TENM3: variants seen among roughly 807,000 people sequenced by gnomAD.
The protein encoded by TENM3 is teneurin transmembrane protein 3.
Under a neutral mutation model 255.1 loss-of-function variants are expected in TENM3, and 63 were observed. That is an observed-to-expected ratio of 0.25 (90% CI 0.20 to 0.30). The LOEUF is 0.30. Among genes scored for constraint, TENM3 ranks in the 10% least tolerant of loss-of-function variants. The probability of loss-of-function intolerance (pLI) is 1.00; values close to 1 mark genes in which losing one functional copy is unlikely to be tolerated. For missense variants in TENM3, 2,929 were observed against 3,461.1 expected, an observed-to-expected ratio of 0.85 and a Z score of 3.86; for synonymous variants, 1,306 against 1,322.3, an observed-to-expected ratio of 0.99 and a Z score of 0.27.
At chr4:182,055,616 G>T in the TENM3 span, among the ~76,000 whole-genome samples, 1 of 152,092 alleles carries the variant, frequency 6.6e-6, no homozygotes, top group South Asian at 2.1e-4. Flanking sequence ...ACTTGCTGTA[G>T]CGCTAATTTC....
the TENM3 span, among the ~76,000 whole-genome samples, chr4:181,799,138 C>T: frequency 0.69 from 105,028 of 152,156 alleles, 37,522 homozygotes; most frequent in South Asian, 0.81. Flanking sequence ...GACATAACTG[C>T]ATTACTGATT....
intron 3 of TENM3, among the ~76,000 whole-genome samples, chr4:182,395,685 A>G (rs895370220): frequency 2.6e-4 from 39 of 152,226 alleles, no homozygotes; most frequent in African/African-American, 8.9e-4. Flanking sequence ...TAAAAATAAA[A>G]TGTTTTATTT....
chr4:182,204,199 T>G (rs1754396252), intron 1 of TENM3, among the ~76,000 whole-genome samples: 1 of 152,194 alleles, frequency 6.6e-6, no homozygotes, highest in African/African-American at 2.4e-5. Context: ...TTTTGCTGGA[T>G]GTAGTGTGTG....
the TENM3 span, among the ~76,000 whole-genome samples, chr4:181,979,548 A>G: frequency 2.0e-5 from 3 of 152,178 alleles, no homozygotes; most frequent in Non-Finnish European, 4.4e-5. Flanking sequence ...CCAGCTACCC[A>G]GGTCTCTTGT....
chr4:182,502,841 A>G (rs1736447586), intron 3 of TENM3, among the ~76,000 whole-genome samples: 1 of 144,320 alleles, frequency 6.9e-6, no homozygotes. Context: ...GTTAATTTGT[A>G]GCTCTGTGGG....
At chr4:182,600,824 A>C in intron 3 of TENM3, 100 bp from the exon 4 acceptor site, 2 of 534,824 alleles carry the variant, frequency 3.7e-6, no homozygotes, top group Non-Finnish European at 6.2e-6. Context: ...TTTAATTCTA[A>C]TTCATCTGCA....
chr4:182,277,265 C>A (rs1034298244), intron 1 of TENM3, among the ~76,000 whole-genome samples: 2 of 151,906 alleles, frequency 1.3e-5, no homozygotes, highest in African/African-American at 4.8e-5. Context: ...TTAACCAAAT[C>A]CACAGATTTT....
At chr4:182,755,933 G>A (rs1282267940) in intron 22 of TENM3, among the ~76,000 whole-genome samples, 4 of 152,198 alleles carry the variant, frequency 2.6e-5, no homozygotes, top group African/African-American at 9.6e-5. Context: ...TCGTGTAAGG[G>A]AGAAGCCCAA....
chr4:181,851,316 AC>A, the TENM3 span, among the ~76,000 whole-genome samples: 1 of 152,124 alleles, frequency 6.6e-6, no homozygotes, highest in African/African-American at 2.4e-5. Context: ...AACCCATACA[AC>A]ATAGTCGATT....
At chr4:182,082,150 A>C in the TENM3 span, among the ~76,000 whole-genome samples, 1 of 152,184 alleles carries the variant, frequency 6.6e-6, no homozygotes, top group South Asian at 2.1e-4. Flanking sequence ...CATCTCTCAT[A>C]GTTGTGGAGG....
chr4:182,325,503 G>A (rs768986443), intron 2 of TENM3, among the ~76,000 whole-genome samples: 2 of 152,112 alleles, frequency 1.3e-5, no homozygotes, highest in Non-Finnish European at 2.9e-5. Context: ...TTTTTAATCC[G>A]TTTTTCAGGG....
chr4:182,402,690 A>G (rs562792026), intron 3 of TENM3, among the ~76,000 whole-genome samples: 1 of 152,294 alleles, frequency 6.6e-6, no homozygotes, highest in East Asian at 1.9e-4. Flanking sequence ...GCGCTTGCCT[A>G]GGATTTTCTT....
intron 3 of TENM3, among the ~76,000 whole-genome samples, chr4:182,485,002 T>C (rs1734561647): frequency 6.6e-6 from 1 of 152,194 alleles, no homozygotes; most frequent in Non-Finnish European, 1.5e-5. Flanking sequence ...GTACCTTTAT[T>C]ATAAATCTGT....
the TENM3 span, among the ~76,000 whole-genome samples, chr4:181,486,688 G>A: frequency 6.6e-6 from 1 of 152,138 alleles, no homozygotes; most frequent in Admixed American, 6.6e-5. Context: ...TTGTGTTACA[G>A]TTTTCATTAC....
chr4:182,061,386 T>C, the TENM3 span, among the ~76,000 whole-genome samples: 1 of 152,090 alleles, frequency 6.6e-6, no homozygotes, highest in African/African-American at 2.4e-5. Context: ...AAATAAAAAC[T>C]GCAAAGTTAC....
chr4:182,000,079 T>C, the TENM3 span, among the ~76,000 whole-genome samples: 2,008 of 152,268 alleles, frequency 0.013, 41 homozygotes, highest in African/African-American at 0.045. Context: ...GTCTACATTC[T>C]AGCGCTGGAT....
intron 3 of TENM3, among the ~76,000 whole-genome samples, chr4:182,571,888 A>T (rs1729456078): frequency 6.6e-6 from 1 of 152,118 alleles, no homozygotes; most frequent in African/African-American, 2.4e-5. Context: ...ATTAGGAATG[A>T]TAAAACTGTT....
rs77923187 is a variant in TENM3, at chr4:182,467,360, T to C, written c.511+120431T>C. Among the ~76,000 whole-genome samples, 545 of 152,346 alleles carry C rather than the reference T, an allele frequency of 3.6e-3. 3 individuals are homozygous for C. The highest frequency in any genetic ancestry group is 0.012 in the African/African-American group (515 of 41,584). ...GATTTGTAATTTATTTTGAAAATTATCTTTGGCTTTCAGTTTTAAGTGGCA... is the reference window on the plus strand; with the variant it reads ...GATTTGTAATTTATTTTGAAAATTACCTTTGGCTTTCAGTTTTAAGTGGCA... On this transcript the variant is annotated intron_variant, in intron 3 of 27. Coordinates refer to ENST00000511685, the MANE Select transcript of TENM3 (RefSeq NM_001080477.4).
intron 3 of TENM3, among the ~76,000 whole-genome samples, chr4:182,567,764 A>G (rs996450196): frequency 1.3e-5 from 2 of 150,618 alleles, no homozygotes; most frequent in Non-Finnish European, 2.9e-5. Context: ...TATATAAAAC[A>G]GTTACTGTGT....
Sources: allele counts gnomAD v4.1 joint callset (sites outside exome capture counted in the v4.1 genomes callset), GRCh38; gene constraint gnomAD v4.1.1; transcripts MANE v1.5; gene names NCBI Gene and HGNC (gene_info 2026-07-23, HGNC 2026-07-21).